POC1B: variants seen among roughly 807,000 people sequenced by gnomAD.
POC1B encodes the protein POC1 centriolar protein B, also known as POC1 centriolar protein homolog B.
A neutral mutation model predicts 60.6 loss-of-function variants in POC1B; 44 were observed. That is an observed-to-expected ratio of 0.73 (90% CI 0.57 to 0.93). POC1B has a LOEUF of 0.93. POC1B is among the 40% of genes least tolerant of loss of function. The pLI is 0.00. For synonymous variants in POC1B, 180 were observed against 198.9 expected, an observed-to-expected ratio of 0.90 and a Z score of 0.80; for missense variants, 555 against 572.3, an observed-to-expected ratio of 0.97 and a Z score of 0.31.
chr12:89,452,361 T>C (rs1882079744), intron 10 of POC1B, among the ~76,000 whole-genome samples: 1 of 152,172 alleles, frequency 6.6e-6, no homozygotes. Flanking sequence ...AAAGTATTTA[T>C]TGGGCTCCCA....
chr12:89,461,025 T>C (rs2120809871), intron 9 of POC1B: 1 of 152,340 alleles, frequency 6.6e-6, no homozygotes. Context: ...AACTATTGAC[T>C]GAGCGCTTAT....
Position 89,470,314 on chromosome 12 carries a change from T to G in POC1B, c.810+47A>C, listed in dbSNP as rs568976016. The G allele has an allele frequency of 6.8e-6, 7 of 1,031,702 alleles. No individual in the cohort carries two copies. In the African/African-American group the frequency reaches 1.0e-4, roughly 15 times the overall value. 63.9% of individuals were successfully genotyped at this position (1,031,702 alleles called of 1,614,324 possible). On this transcript the variant is annotated intron_variant, in intron 7 of 11. Coordinates refer to ENST00000313546, the MANE Select transcript of POC1B (RefSeq NM_172240.3). ...TGGATCAGAAATTTAAAATATATATTATTTTATATTTTTATATATAAAAAG... is the reference window on the plus strand; with the variant it reads ...TGGATCAGAAATTTAAAATATATATGATTTTATATTTTTATATATAAAAAG...
At chr12:89,465,521 C>G (rs1054856170) in intron 9 of POC1B, among the ~76,000 whole-genome samples, 2 of 151,872 alleles carry the variant, frequency 1.3e-5, no homozygotes, top group Non-Finnish European at 2.9e-5. Context: ...AAAAAATACT[C>G]AAGTTAAATT....
At chr12:89,481,210 A>G (rs551586197) in intron 4 of POC1B, among the ~76,000 whole-genome samples, 68 of 152,358 alleles carry the variant, frequency 4.5e-4, no homozygotes, top group African/African-American at 1.6e-3. Context: ...ATTCTTGCAC[A>G]TTTATCACAT....
chr12:89,438,183 C>T (rs181155116), intron 10 of POC1B, among the ~76,000 whole-genome samples: 17 of 151,272 alleles, frequency 1.1e-4, no homozygotes, highest in Admixed American at 1.1e-3. Flanking sequence ...TCAGGCCGGG[C>T]GCGGTGGCTC....
chr12:89,481,727 G>A (rs1868369983), intron 4 of POC1B, among the ~76,000 whole-genome samples: 1 of 152,160 alleles, frequency 6.6e-6, no homozygotes, highest in Non-Finnish European at 1.5e-5. Context: ...ACAAGGCTTG[G>A]CAGAGAACAA....
At chr12:89,408,312 G>GTATA in the POC1B span, among the ~76,000 whole-genome samples, 1 of 152,088 alleles carries the variant, frequency 6.6e-6, no homozygotes, top group Non-Finnish European at 1.5e-5. Context: ...AATCCTGTGG[G>GTATA]TATATACCCA....
At chr12:89,444,176 A>G (rs1052749932) in intron 10 of POC1B, among the ~76,000 whole-genome samples, 13 of 152,230 alleles carry the variant, frequency 8.5e-5, no homozygotes, top group African/African-American at 3.1e-4. Context: ...TACCAGAGGT[A>G]CAAAAAGGAG....
downstream of POC1B, among the ~76,000 whole-genome samples, chr12:89,417,565 C>A (rs1204647529): frequency 6.6e-6 from 1 of 152,244 alleles, no homozygotes; most frequent in Non-Finnish European, 1.5e-5. Flanking sequence ...GAGAAGTTAT[C>A]TTTTTTAAAA....
At chr12:89,503,078 T>TCTGTCCCTATCC in intron 2 of POC1B, among the ~76,000 whole-genome samples, 1 of 149,824 alleles carries the variant, frequency 6.7e-6, no homozygotes, top group East Asian at 2.0e-4. Flanking sequence ...AAAAAAGACA[T>TCTGTCCCTATCC]CTATCCCTAT....
At chr12:89,517,010 C>T (rs1314700006) in intron 2 of POC1B, among the ~76,000 whole-genome samples, 1 of 152,166 alleles carries the variant, frequency 6.6e-6, no homozygotes, top group African/African-American at 2.4e-5. Flanking sequence ...AATAAGGTCA[C>T]ATCACAGGTT....
chr12:89,507,266 C>CA (rs34750133), intron 2 of POC1B, among the ~76,000 whole-genome samples: 39,657 of 64,076 alleles, frequency 0.62, 13,639 homozygotes, highest in Non-Finnish European at 0.66. Context: ...GGCCCTGTCT[C>CA]AAAAAAAAAA....
chr12:89,431,964 A>G (rs963829381), intron 10 of POC1B, among the ~76,000 whole-genome samples: 1 of 152,158 alleles, frequency 6.6e-6, no homozygotes, highest in African/African-American at 2.4e-5. Flanking sequence ...CCATGGCTGC[A>G]TCACTCCAAT....
At chr12:89,496,837 A>T (rs1869273827) in intron 3 of POC1B, among the ~76,000 whole-genome samples, 3 of 152,286 alleles carry the variant, frequency 2.0e-5, no homozygotes, top group South Asian at 4.1e-4. Context: ...TAATAAACTG[A>T]ATTTTTGGTT....
chr12:89,410,760 G>A, the POC1B span, among the ~76,000 whole-genome samples: 1 of 151,688 alleles, frequency 6.6e-6, no homozygotes, highest in African/African-American at 2.4e-5. Context: ...AGTATTGGAA[G>A]TTCTGGCCAA....
intron 2 of POC1B, among the ~76,000 whole-genome samples, chr12:89,508,950 C>G (rs914754095): frequency 3.9e-5 from 6 of 152,178 alleles, no homozygotes; most frequent in Admixed American, 2.6e-4. Context: ...ATTACCCAGT[C>G]TTAGGCGGTT....
chr12:89,476,171 T>C (rs968374588), intron 4 of POC1B, among the ~76,000 whole-genome samples: 10 of 152,006 alleles, frequency 6.6e-5, no homozygotes, highest in Non-Finnish European at 1.2e-4. Context: ...CCTCCCAAAG[T>C]GCTAGAATTA....
chr12:89,425,506 A>G (rs941334129), intron 10 of POC1B, 127 bp from the exon 11 acceptor site: 9 of 616,256 alleles, frequency 1.5e-5, no homozygotes, highest in Non-Finnish European at 2.1e-5. Context: ...CCCAACTATA[A>G]TAAGTTATGG....
chr12:89,491,459 A>G (rs1241800061), intron 4 of POC1B, among the ~76,000 whole-genome samples: 1 of 151,812 alleles, frequency 6.6e-6, no homozygotes, highest in Non-Finnish European at 1.5e-5. Flanking sequence ...CCCTGTCTCT[A>G]CTAAAAATAC....
Sources: allele counts gnomAD v4.1 joint callset (sites outside exome capture counted in the v4.1 genomes callset), GRCh38; gene constraint gnomAD v4.1.1; transcripts MANE v1.5; gene names NCBI Gene and HGNC (gene_info 2026-07-23, HGNC 2026-07-21).